The following ADAMTS9 variants were observed in gnomAD, a reference collection of about 807,000 sequenced individuals.
ADAMTS9 encodes A disintegrin and metalloproteinase with thrombospondin motifs 9.
A neutral mutation model predicts 257.1 loss-of-function variants in ADAMTS9; 107 were observed. That is an observed-to-expected ratio of 0.42 (90% CI 0.36 to 0.49). The LOEUF is 0.49. Ranked by LOEUF, ADAMTS9 falls within the 20% of genes least tolerant of loss-of-function variation. The pLI is 0.03. For synonymous variants in ADAMTS9, 982 were observed against 880.9 expected (o/e 1.11, Z -2.03); for missense variants, 2,353 against 2,469.1 (o/e 0.95, Z 1.00).
At chr3:64,543,105 G>A (rs574858114) in intron 32 of ADAMTS9, among the ~76,000 whole-genome samples, 1 of 152,326 alleles carries the variant, frequency 6.6e-6, no homozygotes, top group East Asian at 1.9e-4. Flanking sequence ...AACAGGCTCT[G>A]AAATTGAGGC....
At position 64,541,563 on chromosome 3, in the gene ADAMTS9, C is replaced by A. The variant is rs747515768; in HGVS notation, c.5255G>T (p.Gly1752Val). Residue 1752 changes from glycine to valine, a missense_variant, in exon 34 of 40, where the codon GGT (glycine) becomes GTT (valine). Transcript: ENST00000498707. ...VKRLKGASEDGEYFLMIRGKL... is the reference protein window; with the variant it reads ...VKRLKGASEDVEYFLMIRGKL... ...TCCTCTAATCATCAGGAAATATTCACCATCTTCACTGGCACCTTTAAGTCT... is the reference window on the plus strand; with the variant it reads ...TCCTCTAATCATCAGGAAATATTCAACATCTTCACTGGCACCTTTAAGTCT... The A allele has an allele frequency of 6.2e-7, 1 of 1,614,152 alleles. No homozygotes were observed. The highest frequency in any genetic ancestry group is 1.3e-5 in the African/African-American group (1 of 75,032).
intron 30 of ADAMTS9, among the ~76,000 whole-genome samples, chr3:64,555,721 T>C (rs2083324767): frequency 6.6e-6 from 1 of 152,194 alleles, no homozygotes; most frequent in Middle Eastern, 3.4e-3. Context: ...AGGAGAATGA[T>C]GGAGGACATC....
intron 32 of ADAMTS9, 119 bp downstream of exon 32, chr3:64,546,639 T>C (rs2083203297): frequency 2.7e-6 from 3 of 1,103,624 alleles, no homozygotes; most frequent in Non-Finnish European, 3.8e-6. Context: ...TTCAAGTTGC[T>C]AACTCCAGGG....
At position 64,602,135 on chromosome 3, in the gene ADAMTS9, T is replaced by C. The variant is rs1414922759; in HGVS notation, c.3826A>G (p.Ser1276Gly). Residue 1276 changes from serine (S) to glycine (G), a missense_variant, in exon 26 of 40, where the codon AGT (serine) becomes GGT (glycine). Transcript: ENST00000498707. ...GGGATATAATCCTGGTCACACTCAC[T>C]CCGATCGATCACGTGGTCACTGTAG... ...VNYSDHVIDRSECDQDYIPET... is the reference protein window; with the variant it reads ...VNYSDHVIDRGECDQDYIPET... The C allele has an allele frequency of 1.2e-6, 2 of 1,614,092 alleles. No individual in the cohort carries two copies. The highest frequency in any genetic ancestry group is 1.7e-6 in the Non-Finnish European group (2 of 1,179,994).
At chr3:64,564,234 A>C (rs1371416953) in intron 29 of ADAMTS9, among the ~76,000 whole-genome samples, 5 of 152,194 alleles carry the variant, frequency 3.3e-5, no homozygotes, top group Non-Finnish European at 7.4e-5. Context: ...GCTGGGAGCT[A>C]TGTTTCATCT....
At chr3:64,662,146 T>G (rs1440420572) in intron 3 of ADAMTS9, among the ~76,000 whole-genome samples, 1 of 152,100 alleles carries the variant, frequency 6.6e-6, no homozygotes, top group Admixed American at 6.6e-5. Context: ...TCAAAATATT[T>G]TCTGCTTTCT....
At chr3:64,633,901 G>T in intron 12 of ADAMTS9, 22 bp from the exon 13 acceptor site, 1 of 1,592,992 alleles carries the variant, frequency 6.3e-7, no homozygotes, top group Non-Finnish European at 8.6e-7. Context: ...AAAATGTGAA[G>T]AGCACACACA....
intron 6 of ADAMTS9, among the ~76,000 whole-genome samples, chr3:64,655,163 C>G (rs1312444476): frequency 6.6e-6 from 1 of 152,236 alleles, no homozygotes; most frequent in African/African-American, 2.4e-5. Flanking sequence ...CAACACTGAA[C>G]TCATATACTA....
At chr3:64,535,597 A>T in intron 37 of ADAMTS9, among the ~76,000 whole-genome samples, 1 of 132,130 alleles carries the variant, frequency 7.6e-6, no homozygotes, top group African/African-American at 2.9e-5. Flanking sequence ...TCTGTCACCT[A>T]GGCTGGAGTG....
rs376809418 is a variant in ADAMTS9, at chr3:64,603,906, T to A, written c.3747+16A>T. The A allele has an allele frequency of 4.3e-6, 7 of 1,612,988 alleles. No individual in the cohort carries two copies. In the African/African-American group the frequency reaches 5.3e-5, roughly 12 times the overall value. On this transcript the variant is annotated intron_variant, in intron 25 of 39. Transcript: ENST00000498707. ...TTCCCCCATTCCCCCTAATTCCAAA[T>A]AATCCACTGGCTTACAGAGCTCCAG... is the stretch of plus-strand genomic sequence containing the variant.
intron 28 of ADAMTS9, chr3:64,583,229 A>G (rs1353173034): frequency 6.6e-6 from 1 of 152,172 alleles, no homozygotes; most frequent in Non-Finnish European, 1.5e-5. Flanking sequence ...TTTAACCCTC[A>G]ACCCCGCCCC....
intron 11 of ADAMTS9, among the ~76,000 whole-genome samples, chr3:64,646,099 CAT>C (rs763361652): frequency 6.6e-6 from 1 of 152,142 alleles, no homozygotes; most frequent in African/African-American, 2.4e-5. Context: ...GCAGCAATAA[CAT>C]GTGTCAGAAA....
chr3:64,631,955 G>T (rs1267368479), intron 14 of ADAMTS9, 30 bp from the exon 15 acceptor site: 1 of 1,511,308 alleles, frequency 6.6e-7, no homozygotes. Context: ...TGAAATAAAT[G>T]TAAGCATTAT....
At chr3:64,522,693 C>T (rs1178185402) in intron 38 of ADAMTS9, among the ~76,000 whole-genome samples, 1 of 152,000 alleles carries the variant, frequency 6.6e-6, no homozygotes, top group African/African-American at 2.4e-5. Flanking sequence ...CGGTGCACAA[C>T]AAATCACAGT....
chr3:64,627,971 G>A (rs1249843660), intron 16 of ADAMTS9, among the ~76,000 whole-genome samples: 2 of 152,146 alleles, frequency 1.3e-5, no homozygotes, highest in Non-Finnish European at 1.5e-5. Context: ...CAGACTTGAT[G>A]ACAACATCAA....
chr3:64,612,081 G>T (rs1009885191), intron 22 of ADAMTS9, among the ~76,000 whole-genome samples: 2 of 152,136 alleles, frequency 1.3e-5, no homozygotes, highest in African/African-American at 4.8e-5. Context: ...GTAGAGGTAG[G>T]ACTGGGTTTG....
intron 38 of ADAMTS9, among the ~76,000 whole-genome samples, chr3:64,530,117 T>A (rs965376696): frequency 6.7e-6 from 1 of 148,220 alleles, no homozygotes; most frequent in Non-Finnish European, 1.5e-5. Context: ...AGGCACTACA[T>A]CTGGCCACCT....
chr3:64,657,498 C>T (rs9860576), intron 4 of ADAMTS9, among the ~76,000 whole-genome samples: 1 of 140,418 alleles, frequency 7.1e-6, no homozygotes, highest in African/African-American at 2.8e-5. Context: ...GCCACTACAC[C>T]TGGCTAATTG....
At chr3:64,623,225 A>G (rs537567326) in intron 16 of ADAMTS9, among the ~76,000 whole-genome samples, 1 of 152,212 alleles carries the variant, frequency 6.6e-6, no homozygotes, top group Non-Finnish European at 1.5e-5. Context: ...TCACTAGGAC[A>G]ATGCAGAAAC....
Sources: gnomAD v4.1 joint callset for allele counts (sites outside exome capture counted in the v4.1 genomes callset) on GRCh38, gnomAD v4.1.1 for gene constraint, MANE v1.5 for transcripts, NCBI Gene and HGNC (gene_info 2026-07-23, HGNC 2026-07-21) for gene names.